LAPTM4B: variants seen among roughly 807,000 people sequenced by gnomAD.
LAPTM4B encodes lysosomal-associated transmembrane protein 4B.
A neutral mutation model predicts 28.5 loss-of-function variants in LAPTM4B; 26 were observed. The ratio of observed to expected loss-of-function variants is 0.91; its 90% CI spans 0.67 to 1.27. The LOEUF (loss-of-function observed/expected upper bound fraction) is 1.27, where lower values mean the gene tolerates loss of function less well. Among genes scored for constraint, LAPTM4B ranks in the 50% most tolerant of loss-of-function variants. The pLI is 0.00. For synonymous variants in LAPTM4B, 109 were observed against 106.4 expected (o/e 1.02, Z -0.15); for missense variants, 288 against 285.8 (o/e 1.01, Z -0.06).
At chr8:97,822,691 C>G (rs919236894) in intron 5 of LAPTM4B, among the ~76,000 whole-genome samples, 3 of 151,772 alleles carry the variant, frequency 2.0e-5, no homozygotes, top group African/African-American at 7.3e-5. Context: ...TTTGAATGCA[C>G]TTAATTTTTT....
chr8:97,775,822 A>T lies in LAPTM4B; in HGVS notation c.-188A>T. The T allele has an allele frequency of 1.3e-6, 2 of 1,559,986 alleles. No homozygotes were observed. Among genetic ancestry groups the T allele is most frequent in the Non-Finnish European group, 1.7e-6 (2 of 1,159,374 alleles). ...GCTGCAGCGGTCGCCTTCGGAGCGA[A>T]GGGTACCGACCCGGCAGAAGCTCGG... is the stretch of plus-strand genomic sequence containing the variant. On this transcript the variant is annotated 5_prime_UTR_variant, in exon 1 of 7. It adds an upstream start codon to the 5' untranslated region. Coordinates refer to ENST00000521545, the MANE Select transcript of LAPTM4B (RefSeq NM_018407.6).
intron 2 of LAPTM4B, among the ~76,000 whole-genome samples, chr8:97,812,251 ACT>A (rs1816845282): frequency 1.0e-5 from 1 of 98,992 alleles, no homozygotes; most frequent in African/African-American, 3.6e-5. Flanking sequence ...TCGGAGTCTG[ACT>A]CTGTCACCCA....
At chr8:97,850,489 T>TGTATGTGTGTGTGTGTGTATG (rs1392987129) in intron 6 of LAPTM4B, among the ~76,000 whole-genome samples, 1 of 151,146 alleles carries the variant, frequency 6.6e-6, no homozygotes, top group African/African-American at 2.5e-5. Context: ...TGTGTGTGTG[T>TGTATGTGTGTGTGTGTGTATG]TTGGGAGAGT....
Position 97,813,770 on chromosome 8 carries a change from G to T in LAPTM4B, c.212-1558G>T, listed in dbSNP as rs115850911. Among the ~76,000 whole-genome samples, 479 of 152,240 alleles carry T rather than the reference G, an allele frequency of 3.1e-3. 2 individuals carry two copies. Among genetic ancestry groups the T allele is most frequent in the African/African-American group, 0.011 (462 of 41,544 alleles). ...AGGATGTGATTTGCAATTTAGTAGA[G>T]ATTTAGTATGCAGATTATGTTTTCC... On this transcript the variant is annotated intron_variant, in intron 2 of 6. Transcript: ENST00000521545.
intron 5 of LAPTM4B, among the ~76,000 whole-genome samples, chr8:97,820,469 G>A (rs1383866663): frequency 2.6e-5 from 4 of 151,880 alleles, no homozygotes; most frequent in Admixed American, 2.0e-4. Flanking sequence ...ATAAAATTAT[G>A]TCATTCTTCA....
intron 1 of LAPTM4B, among the ~76,000 whole-genome samples, chr8:97,781,618 C>A (rs546061797): frequency 6.6e-6 from 1 of 152,264 alleles, no homozygotes; most frequent in South Asian, 2.1e-4. Context: ...TGACAAATGC[C>A]TCTGTAATGT....
chr8:97,807,337 G>C (rs1434253403), intron 2 of LAPTM4B, among the ~76,000 whole-genome samples: 1 of 152,166 alleles, frequency 6.6e-6, no homozygotes, highest in Non-Finnish European at 1.5e-5. Context: ...GAGCCTGGGA[G>C]GGTGGTGGGG....
intron 1 of LAPTM4B, among the ~76,000 whole-genome samples, chr8:97,797,498 T>C (rs1429032946): frequency 1.3e-5 from 2 of 152,216 alleles, no homozygotes; most frequent in East Asian, 3.8e-4. Context: ...TTCTTGTCAT[T>C]AACATTTTAA....
At chr8:97,814,743 G>A (rs1207647745) in intron 2 of LAPTM4B, among the ~76,000 whole-genome samples, 2 of 137,670 alleles carry the variant, frequency 1.5e-5, no homozygotes, top group African/African-American at 5.2e-5. Flanking sequence ...GCCCAGACCG[G>A]AGTGCAGTGG....
At chr8:97,805,927 G>T (rs1421028204) in intron 2 of LAPTM4B, among the ~76,000 whole-genome samples, 1 of 152,146 alleles carries the variant, frequency 6.6e-6, no homozygotes, top group Non-Finnish European at 1.5e-5. Flanking sequence ...ATGTGGATGT[G>T]GGGTAAGCAG....
At chr8:97,836,401 G>A (rs1029765883) in intron 6 of LAPTM4B, among the ~76,000 whole-genome samples, 1 of 152,030 alleles carries the variant, frequency 6.6e-6, no homozygotes, top group Non-Finnish European at 1.5e-5. Context: ...GGCTGGTCTC[G>A]AACTCCTGAC....
At chr8:97,850,396 C>CA (rs1190614083) in intron 6 of LAPTM4B, among the ~76,000 whole-genome samples, 1 of 150,728 alleles carries the variant, frequency 6.6e-6, no homozygotes, top group East Asian at 1.9e-4. Flanking sequence ...TGAGACCTGG[C>CA]TTCAGCCCCA....
rs567084066 is a variant in LAPTM4B at position 97,838,688 on chromosome 8, C to T, written c.604-12709C>T. Among the ~76,000 whole-genome samples the T allele has an allele frequency of 6.6e-5, 10 of 152,296 alleles. 1 individual carries two copies. The highest frequency in any genetic ancestry group is 1.7e-4 in the African/African-American group (7 of 41,564). On this transcript the variant is annotated intron_variant, in intron 6 of 6. Coordinates refer to ENST00000521545, the MANE Select transcript of LAPTM4B (RefSeq NM_018407.6). Reference sequence around the variant, plus strand: ...AGCTGGGGCCAAGTGTTCTCACCGCCGTGTCTGGCTGTATTGCCCAGGATG... The same window carrying T: ...AGCTGGGGCCAAGTGTTCTCACCGCTGTGTCTGGCTGTATTGCCCAGGATG...
At position 97,805,447 on chromosome 8, in the gene LAPTM4B, A is replaced by T. The variant is rs1337356585; in HGVS notation, c.194A>T (p.Glu65Val). The T allele has an allele frequency of 6.2e-6, 10 of 1,603,060 alleles. No individual in the cohort carries two copies. Among genetic ancestry groups the T allele is most frequent in the Non-Finnish European group, 8.5e-6 (10 of 1,171,800 alleles). Residue 65 changes from glutamate to valine, a missense_variant, in exon 2 of 7, where the codon GAG (glutamate) becomes GTG (valine). Coordinates refer to ENST00000521545, the MANE Select transcript of LAPTM4B (RefSeq NM_018407.6). ...AGTTCTGAACTGGGAGGTGACTTTG[A>T]GTTCATGGATGATGCCAGTAAGTAG... ...FSSSELGGDF[E>V]FMDDANMCIA... is the part of the protein sequence containing the mutation.
chr8:97,805,381 T>A lies in LAPTM4B; in HGVS notation c.128T>A (p.Leu43Ter). ...LIINAVVLLI[L>*]LSALADPDQY... ...ATCAATGCTGTGGTACTGTTGATTT[T>A]ATTGAGTGCCCTGGCTGATCCGGAT... Residue 43 changes from leucine to a stop codon, truncating the protein, a stop_gained, in exon 2 of 7, where the codon TTA (leucine) becomes TAA (stop). Coordinates refer to ENST00000521545, the MANE Select transcript of LAPTM4B (RefSeq NM_018407.6). LOFTEE classifies it high-confidence loss of function. 6.2e-7 allele frequency: 1 copy of A among 1,611,302 alleles called. No individual in the cohort carries two copies. The highest frequency in any genetic ancestry group is 1.3e-5 in the African/African-American group (1 of 74,812).
At chr8:97,796,742 C>T (rs1047730380) in intron 1 of LAPTM4B, among the ~76,000 whole-genome samples, 3 of 152,014 alleles carry the variant, frequency 2.0e-5, no homozygotes, top group Non-Finnish European at 4.4e-5. Context: ...GAGTTCGAGA[C>T]CAGTCTGGCC....
At chr8:97,842,779 A>G (rs1021397129) in intron 6 of LAPTM4B, among the ~76,000 whole-genome samples, 1 of 151,890 alleles carries the variant, frequency 6.6e-6, no homozygotes, top group Non-Finnish European at 1.5e-5. Context: ...AGCCTCCCAA[A>G]GTGCTGGGAC....
Position 97,790,687 on chromosome 8 carries a change from C to T in LAPTM4B, c.99+14579C>T, listed in dbSNP as rs946365491. 9.2e-5 allele frequency among the ~76,000 whole-genome samples: 14 copies of T among 152,186 alleles called. 1 individual carries two copies. Among genetic ancestry groups the T allele is most frequent in the African/African-American group, 3.4e-4 (14 of 41,458 alleles). On this transcript the variant is annotated intron_variant, in intron 1 of 6. Coordinates refer to ENST00000521545, the MANE Select transcript of LAPTM4B (RefSeq NM_018407.6). ...TCTCAAACTCCTGATCTCAAGTTAT[C>T]TGCCCGCCTCAGCTTCTCAAAGTGT...
intron 2 of LAPTM4B, among the ~76,000 whole-genome samples, chr8:97,809,041 A>G (rs541293585): frequency 3.1e-4 from 47 of 152,328 alleles, no homozygotes; most frequent in African/African-American, 1.1e-3. Context: ...AGAAACCACA[A>G]AGGCACTGGA....
Sources: allele counts gnomAD v4.1 joint callset (sites outside exome capture counted in the v4.1 genomes callset), GRCh38; gene constraint gnomAD v4.1.1; transcripts MANE v1.5; gene names NCBI Gene and HGNC (gene_info 2026-07-23, HGNC 2026-07-21).